TTN: variants seen among roughly 807,000 people sequenced by gnomAD.
TTN encodes the protein connectin.
In TTN, 1,525 loss-of-function variants were observed where a neutral mutation model predicts 3,223.0. The ratio of observed to expected loss-of-function variants is 0.47; its 90% CI spans 0.45 to 0.49. The LOEUF (loss-of-function observed/expected upper bound fraction) is 0.49. Among genes scored for constraint, TTN ranks in the 20% least tolerant of loss-of-function variants. The probability of loss-of-function intolerance (pLI) is 0.00; values close to 1 mark genes in which losing one functional copy is unlikely to be tolerated. For missense variants in TTN, 40,786 were observed against 43,424.0 expected, an observed-to-expected ratio of 0.94 and a Z score of 5.40; for synonymous variants, 14,094 against 15,161.0, an observed-to-expected ratio of 0.93 and a Z score of 5.17.
At chr2:178,529,339 A>G in intron 359 of TTN, 120 bp from the exon 360 acceptor site, 1 of 697,294 alleles carries the variant, frequency 1.4e-6, no homozygotes. Flanking sequence ...CATGCAATGT[A>G]GGTAATACCT....
rs1413547257 is a variant in TTN at position 178,725,780 on chromosome 2, C to T, written c.20542G>A (p.Val6848Ile). The T allele has an allele frequency of 1.3e-6, 2 of 1,589,934 alleles. No homozygotes were observed. The highest frequency in any genetic ancestry group is 1.7e-4 in the Middle Eastern group (1 of 5,930). Residue 6848 changes from valine to isoleucine, a missense_variant, in exon 70 of 363, where the codon GTA becomes ATA. Coordinates refer to ENST00000589042, the MANE Select transcript of TTN (RefSeq NM_001267550.2). ...EVGSDTCVCT[V>I]KLKEPPRFVS... The stretch of plus-strand genomic sequence containing the variant: ...GAACTATATTTACCTTTCAATTTTA[C>T]AGTACAAACACAAGTATCACTTCCC...
intron 208 of TTN, 24 bp downstream of exon 208, chr2:178,651,219 C>A (rs1456905780): frequency 6.3e-7 from 1 of 1,598,460 alleles, no homozygotes; most frequent in Non-Finnish European, 8.6e-7. Context: ...TGCTTTTCTG[C>A]AGAATCTCAT....
intron 134 of TTN, 146 bp downstream of exon 134, chr2:178,683,065 A>G (rs2069868933): frequency 1.1e-6 from 1 of 922,840 alleles, no homozygotes; most frequent in East Asian, 2.6e-5. Flanking sequence ...ATCATAGAGT[A>G]TATTTAGCAA....
At chr2:178,627,762 TAAG>T (rs1334107965) in intron 240 of TTN, among the ~76,000 whole-genome samples, 1 of 152,026 alleles carries the variant, frequency 6.6e-6, no homozygotes, top group Admixed American at 6.6e-5. Context: ...GATCTTTTAA[TAAG>T]AAGCTCTTAC....
At chr2:178,630,666 A>G (rs184838861) in intron 238 of TTN, 138 bp downstream of exon 238, 468 of 1,302,932 alleles carry the variant, frequency 3.6e-4, no homozygotes, top group Admixed American at 2.8e-3. Flanking sequence ...ATAGACCCTG[A>G]CATCTCTCTT....
chr2:178,672,321 A>G lies in TTN; in HGVS notation c.34931-54T>C, dbSNP rs2067151051. On this transcript the variant is annotated intron_variant, in intron 154 of 362. Transcript: ENST00000589042. ...TTTTTTAAACACTGAAGAAATAAAG[A>G]TGTACATTCAAAATATATATTTTTA... 2.5e-6 allele frequency: 4 copies of G among 1,602,744 alleles called. No individual in the cohort carries two copies. In the East Asian group the frequency reaches 6.7e-5, roughly 27 times the overall value.
chr2:178,551,316 C>T, intron 335 of TTN, 56 bp from the exon 336 acceptor site: 1 of 1,434,774 alleles, frequency 7.0e-7, no homozygotes, highest in Non-Finnish European at 9.4e-7. Flanking sequence ...AGGTCTTAAT[C>T]ATCCATGGAA....
At position 178,610,229 on chromosome 2, in the gene TTN, A is replaced by G. The variant is rs1237576280; in HGVS notation, c.51297T>C (p.Ser17099=). Residue 17099 remains serine, a synonymous_variant, in exon 271 of 363, where the codon TCT becomes TCC. Transcript: ENST00000589042. ...AGRRTYIPVM[S]GENKLSWTVK... Reference sequence around the variant, plus strand: ...CAGTCCATGACAGTTTGTTCTCACCAGACATGACTGGTATATATGTTCTCC... The same window carrying G: ...CAGTCCATGACAGTTTGTTCTCACCGGACATGACTGGTATATATGTTCTCC... 5 of 1,612,950 alleles carry G rather than the reference A, an allele frequency of 3.1e-6. No individual in the cohort carries two copies. The highest frequency in any genetic ancestry group is 4.2e-6 in the Non-Finnish European group (5 of 1,179,314).
In TTN at chr2:178,717,653, C is replaced by G. The variant is rs1381783502; in HGVS notation, c.25221G>C (p.Gln8407His). The G allele has an allele frequency of 1.9e-6, 3 of 1,613,296 alleles. No homozygotes were observed. Among genetic ancestry groups the G allele is most frequent in the Non-Finnish European group, 2.5e-6 (3 of 1,179,596 alleles). The change falls in exon 87 of 363, where the codon CAG becomes CAC. Residue 8407 changes from glutamine to histidine, a missense_variant. Coordinates refer to ENST00000589042, the MANE Select transcript of TTN (RefSeq NM_001267550.2). Reference protein sequence around the residue: ...GVLLKDDANLQTSFVHNVATL... With the variant: ...GVLLKDDANLHTSFVHNVATL... ...TTGCTACATTATGAACAAAAGATGT[C>G]TGCAAATTAGCATCATCTTTCAAAA...
rs1053875355 is a variant in TTN at position 178,799,347 on chromosome 2, A to G, written c.914+140T>C. On this transcript the variant is annotated intron_variant, in intron 6 of 362. Coordinates refer to ENST00000589042, the MANE Select transcript of TTN (RefSeq NM_001267550.2). Reference sequence around the variant, plus strand: ...AACCTGCCCGTTTGTATGCTCCCCTAGAGGTTTGAGCAGCGGGACACTGAA... The same window carrying G: ...AACCTGCCCGTTTGTATGCTCCCCTGGAGGTTTGAGCAGCGGGACACTGAA... 2.0e-5 allele frequency: 27 copies of G among 1,318,268 alleles called. No homozygotes were observed. The Admixed American group carries it at 2.9e-4, about 14-fold the overall frequency. 81.7% of individuals were successfully genotyped at this position (1,318,268 alleles called of 1,614,324 possible). A position where few individuals can be genotyped will look rare whatever the true frequency, so the allele number is the denominator to read the frequency against.
intron 113 of TTN, 61 bp downstream of exon 113, chr2:178,697,060 T>G: frequency 2.9e-6 from 4 of 1,367,962 alleles, no homozygotes; most frequent in Non-Finnish European, 2.0e-6. Context: ...AAAATAAGAA[T>G]AGTTAGCAGA....
rs2055503738 is a variant in TTN at position 178,608,597 on chromosome 2, GA to G, written c.52405+8del. ...AAAAGGCAAACTTTAGATGCCAAAGGAAACTTACCAAATGGATCTTTAGCCA... is the reference window on the plus strand; with the variant it reads ...AAAAGGCAAACTTTAGATGCCAAAGGAACTTACCAAATGGATCTTTAGCCA... On this transcript the variant is annotated splice_region_variant and intron_variant, in intron 274 of 362. Coordinates refer to ENST00000589042, the MANE Select transcript of TTN (RefSeq NM_001267550.2). The G allele has an allele frequency of 3.1e-6, 5 of 1,606,152 alleles. No individual in the cohort carries two copies. The highest frequency in any genetic ancestry group is 1.7e-4 in the Middle Eastern group (1 of 6,060).
In TTN at chr2:178,685,177, A is replaced by G. The variant is rs2070526230; in HGVS notation, c.32470+76T>C. 3.1e-6 allele frequency: 4 copies of G among 1,298,674 alleles called. No homozygotes were observed. The East Asian group carries it at 1.0e-4, about 33-fold the overall frequency. 80.4% of individuals were successfully genotyped at this position (1,298,674 alleles called of 1,614,324 possible). The stretch of plus-strand genomic sequence containing the variant: ...AGTTATGCAAATTGTTATGCATAAG[A>G]CAGTTATGCAAATGTGAAGGTATTA... On this transcript the variant is annotated intron_variant, in intron 129 of 362. Coordinates refer to ENST00000589042, the MANE Select transcript of TTN (RefSeq NM_001267550.2).
At chr2:178,748,929 C>T in intron 47 of TTN, 1 of 1,612,524 alleles carries the variant, frequency 6.2e-7, no homozygotes, top group Non-Finnish European at 8.5e-7. Context: ...GCTTTGTCAT[C>T]AATCTTCTTT....
At position 178,589,749 on chromosome 2, in the gene TTN, G is replaced by C; in HGVS notation, c.61976C>G (p.Pro20659Arg). The change falls in exon 304 of 363, where the codon CCC becomes CGC. Residue 20659 changes from proline (P) to arginine (R), a missense_variant. Transcript: ENST00000589042. ...GTCAATAGGGTTAATAGCCAGAATG[G>C]GAGTTTTTGTTTCGATGGTTGGCCC... Reference protein sequence around the residue: ...GVGPTIETKTPILAINPIDRP... With the variant: ...GVGPTIETKTRILAINPIDRP... The C allele has an allele frequency of 6.2e-7, 1 of 1,613,508 alleles. No homozygotes were observed. The highest frequency in any genetic ancestry group is 8.5e-7 in the Non-Finnish European group (1 of 1,179,590).
chr2:178,748,736 C>T (rs1405275088), intron 47 of TTN: 6 of 1,612,480 alleles, frequency 3.7e-6, no homozygotes, highest in Non-Finnish European at 5.1e-6. Context: ...ATCTATAAGA[C>T]TTATTTTTTC....
chr2:178,709,924 G>T, intron 98 of TTN, 68 bp from the exon 99 acceptor site: 1 of 1,462,844 alleles, frequency 6.8e-7, no homozygotes, highest in Non-Finnish European at 9.2e-7. Context: ...AGCTTTTCAA[G>T]AAAAAAAACC....
In TTN at chr2:178,597,518, G is replaced by T; in HGVS notation, c.57544+20C>A. ...GAATGTTGGTTTAAAAAGTTGCACA[G>T]ACAAATTGAAAGTATTTACCTAATA... On this transcript the variant is annotated intron_variant, in intron 294 of 362. Transcript: ENST00000589042. 6.2e-7 allele frequency: 1 copy of T among 1,600,648 alleles called. No individual in the cohort carries two copies. The highest frequency in any genetic ancestry group is 1.1e-5 in the South Asian group (1 of 88,666).
intron 222 of TTN, 117 bp downstream of exon 222, chr2:178,639,931 G>GA: frequency 1.4e-6 from 2 of 1,454,356 alleles, no homozygotes; most frequent in South Asian, 2.5e-5. Flanking sequence ...AGCATTTTGA[G>GA]ACGTTAGAAA....
Sources: allele counts gnomAD v4.1 joint callset (sites outside exome capture counted in the v4.1 genomes callset), GRCh38; gene constraint gnomAD v4.1.1; transcripts MANE v1.5; gene names NCBI Gene and HGNC (gene_info 2026-07-23, HGNC 2026-07-21).